Variants in GRIP1 observed in about 807,000 individuals in gnomAD.
The protein encoded by GRIP1 is glutamate receptor-interacting protein 1.
A neutral mutation model predicts 129.9 loss-of-function variants in GRIP1; 45 were observed. The observed-to-expected ratio is 0.35, with a 90% CI of 0.27 to 0.44. The LOEUF (loss-of-function observed/expected upper bound fraction) is 0.44, where lower values mean the gene tolerates loss of function less well. Ranked by LOEUF, GRIP1 falls within the 20% of genes least tolerant of loss-of-function variation. The pLI, the probability that GRIP1 is intolerant of heterozygous loss-of-function variation, is 1.00. For missense variants in GRIP1, 1,196 were observed against 1,396.8 expected, an observed-to-expected ratio of 0.86 and a Z score of 2.29; for synonymous variants, 530 against 520.8, an observed-to-expected ratio of 1.02 and a Z score of -0.24.
chr12:66,447,135 G>T (rs73317218), intron 11 of GRIP1, among the ~76,000 whole-genome samples: 1 of 152,286 alleles, frequency 6.6e-6, no homozygotes, highest in African/African-American at 2.4e-5. Flanking sequence ...GATCTGGTAA[G>T]TGCAGGTGGA....
intron 1 of GRIP1, among the ~76,000 whole-genome samples, chr12:66,975,003 G>A (rs2042131169): frequency 6.6e-6 from 1 of 152,062 alleles, no homozygotes; most frequent in South Asian, 2.1e-4. Flanking sequence ...AAGGAGACAT[G>A]GACATTTTTG....
At chr12:66,795,405 C>A (rs748960672) in intron 1 of GRIP1, among the ~76,000 whole-genome samples, 11 of 152,156 alleles carry the variant, frequency 7.2e-5, no homozygotes, top group Non-Finnish European at 1.5e-4. Flanking sequence ...AACATAAGAC[C>A]AGCTTAGCAG....
chr12:66,920,666 A>G (rs1032134551), intron 1 of GRIP1, among the ~76,000 whole-genome samples: 1 of 152,208 alleles, frequency 6.6e-6, no homozygotes, highest in African/African-American at 2.4e-5. Flanking sequence ...CTAGGAAAGA[A>G]AGTTATGTAA....
At chr12:66,741,316 G>A (rs1323276894) in intron 1 of GRIP1, among the ~76,000 whole-genome samples, 1 of 152,124 alleles carries the variant, frequency 6.6e-6, no homozygotes, top group Admixed American at 6.6e-5. Flanking sequence ...CTCCAATTAT[G>A]CTATACATTC....
At chr12:66,417,731 G>A (rs1386285268) in intron 15 of GRIP1, among the ~76,000 whole-genome samples, 1 of 151,974 alleles carries the variant, frequency 6.6e-6, no homozygotes, top group Non-Finnish European at 1.5e-5. Context: ...ATTAATGAAA[G>A]AAGTAAAAGA....
intron 1 of GRIP1, among the ~76,000 whole-genome samples, chr12:66,661,524 A>G (rs1324272127): frequency 3.3e-5 from 5 of 151,352 alleles, no homozygotes; most frequent in Non-Finnish European, 5.9e-5. Context: ...ACTATTTTCA[A>G]TTTGACTTGG....
intron 9 of GRIP1, 33 bp downstream of exon 9, chr12:66,462,891 G>C (rs758434764): frequency 6.3e-7 from 1 of 1,585,344 alleles, no homozygotes; most frequent in Non-Finnish European, 8.6e-7. Context: ...GTGAGGGCCA[G>C]AGAAAGAGCT....
intron 1 of GRIP1, among the ~76,000 whole-genome samples, chr12:66,877,986 A>G (rs889864773): frequency 2.6e-5 from 4 of 152,130 alleles, no homozygotes; most frequent in African/African-American, 9.7e-5. Flanking sequence ...CAAGAAAGAC[A>G]TAAGGTTTCC....
intron 1 of GRIP1, among the ~76,000 whole-genome samples, chr12:66,841,769 C>A (rs17247049): frequency 3.9e-5 from 6 of 152,022 alleles, no homozygotes; most frequent in Non-Finnish European, 8.8e-5. Flanking sequence ...CCTAAAGAAG[C>A]CTTTATCGCT....
intron 1 of GRIP1, among the ~76,000 whole-genome samples, chr12:67,066,951 A>G (rs1200576723): frequency 6.7e-6 from 1 of 148,516 alleles, no homozygotes; most frequent in South Asian, 2.1e-4. Flanking sequence ...CCAGTTAGAC[A>G]GGAAATTGTG....
chr12:67,009,630 G>T (rs957682158), intron 1 of GRIP1, among the ~76,000 whole-genome samples: 1 of 152,142 alleles, frequency 6.6e-6, no homozygotes, highest in Non-Finnish European at 1.5e-5. Flanking sequence ...ACCATAGACT[G>T]CTCAACACTG....
In GRIP1 at chr12:67,014,324, T is replaced by C. The variant is rs75686860; in HGVS notation, c.58+54726A>G. 2.0e-4 allele frequency among the ~76,000 whole-genome samples: 31 copies of C among 152,282 alleles called. No homozygotes were observed. The East Asian group carries it at 6.0e-3, about 29-fold the overall frequency. ...TCCAAAAGTATTCTGGTTTGAATGA[T>C]AAATTATATGAGCACCTGTATCATA... On this transcript the variant is annotated intron_variant, in intron 1 of 1. Transcript: ENST00000643019.
intron 1 of GRIP1, among the ~76,000 whole-genome samples, chr12:66,705,887 C>A (rs778389336): frequency 6.6e-6 from 1 of 152,136 alleles, no homozygotes; most frequent in Non-Finnish European, 1.5e-5. Context: ...CTTCCTCACA[C>A]CTTATATAAA....
chr12:66,890,014 T>C (rs989377347), intron 1 of GRIP1, among the ~76,000 whole-genome samples: 1 of 152,100 alleles, frequency 6.6e-6, no homozygotes, highest in Non-Finnish European at 1.5e-5. Context: ...AATGTAGCCT[T>C]GACCTCCCAG....
chr12:66,851,359 G>A (rs1189421596), intron 1 of GRIP1, among the ~76,000 whole-genome samples: 2 of 152,002 alleles, frequency 1.3e-5, no homozygotes, highest in African/African-American at 2.4e-5. Flanking sequence ...GAAGTTAGAG[G>A]CAGGAAAATG....
chr12:67,069,305 T>A, upstream of GRIP1: 1 of 63,742 alleles, frequency 1.6e-5, no homozygotes, highest in Non-Finnish European at 3.5e-5. Flanking sequence ...CGCCGGCGGC[T>A]CCGGGCGGCG....
At chr12:67,039,006 T>A (rs1299215174) in intron 1 of GRIP1, among the ~76,000 whole-genome samples, 1 of 119,374 alleles carries the variant, frequency 8.4e-6, no homozygotes, top group Non-Finnish European at 1.7e-5. Flanking sequence ...TAAGAAATAG[T>A]CACAAATAAT....
chr12:66,450,587 TTTATGTA>T (rs2058764411), intron 11 of GRIP1, among the ~76,000 whole-genome samples: 1 of 151,566 alleles, frequency 6.6e-6, no homozygotes, highest in Non-Finnish European at 1.5e-5. Context: ...TTAAAATAAA[TTTATGTA>T]TTATGTATTG....
chr12:66,527,074 G>A (rs2061270496), intron 5 of GRIP1, among the ~76,000 whole-genome samples: 1 of 145,992 alleles, frequency 6.8e-6, no homozygotes, highest in Non-Finnish European at 1.5e-5. Context: ...TTACACTGTT[G>A]GTGGGACTGT....
Sources: gnomAD v4.1 joint callset for allele counts (sites outside exome capture counted in the v4.1 genomes callset) on GRCh38, gnomAD v4.1.1 for gene constraint, MANE v1.5 for transcripts, NCBI Gene and HGNC (gene_info 2026-07-23, HGNC 2026-07-21) for gene names.